Variants in PIAS1 observed in about 807,000 individuals in gnomAD.
PIAS1 encodes protein inhibitor of activated STAT 1.
PIAS1 carries 6 observed loss-of-function variants against 71.3 expected under a neutral mutation model. The ratio of observed to expected loss-of-function variants is 0.08; its 90% CI spans 0.05 to 0.17. The LOEUF is 0.17. Among genes scored for constraint, PIAS1 ranks in the 10% least tolerant of loss-of-function variants. The probability of loss-of-function intolerance (pLI) is 1.00; values close to 1 mark genes in which losing one functional copy is unlikely to be tolerated. For missense variants in PIAS1, 555 were observed against 793.6 expected (o/e 0.70, Z 3.61); for synonymous variants, 303 against 292.9 (o/e 1.03, Z -0.35).
chr15:68,074,599 G>C (rs1365366614), intron 1 of PIAS1, among the ~76,000 whole-genome samples: 1 of 152,172 alleles, frequency 6.6e-6, no homozygotes, highest in Admixed American at 6.5e-5. Context: ...CTTTTTGACT[G>C]ATTATGATAA....
At chr15:68,158,513 C>G (rs1268319322) in intron 7 of PIAS1, among the ~76,000 whole-genome samples, 3 of 152,108 alleles carry the variant, frequency 2.0e-5, no homozygotes, top group African/African-American at 7.2e-5. Context: ...GATGATCTCA[C>G]TGAACATCTT....
intron 4 of PIAS1, among the ~76,000 whole-genome samples, chr15:68,143,502 AC>A (rs2092786705): frequency 6.6e-6 from 1 of 152,146 alleles, no homozygotes; most frequent in African/African-American, 2.4e-5. Context: ...ACAGGACCTT[AC>A]TGCAGTAGAC....
chr15:68,130,257 A>G (rs1165417977), intron 2 of PIAS1, among the ~76,000 whole-genome samples: 1 of 152,026 alleles, frequency 6.6e-6, no homozygotes, highest in Non-Finnish European at 1.5e-5. Context: ...GGCAAAATAT[A>G]TAAGCTTCTT....
chr15:68,118,100 G>A (rs958281739), intron 2 of PIAS1, among the ~76,000 whole-genome samples: 3 of 151,988 alleles, frequency 2.0e-5, no homozygotes, highest in Non-Finnish European at 2.9e-5. Flanking sequence ...GCCGAGGAGC[G>A]GGGCAGATCA....
At position 68,086,788 on chromosome 15, in the gene PIAS1, A is replaced by G. The variant is rs761402229; in HGVS notation, c.469+38A>G. The G allele has an allele frequency of 4.3e-6, 6 of 1,390,868 alleles. No homozygotes were observed. The highest frequency in any genetic ancestry group is 4.0e-6 in the Non-Finnish European group (4 of 999,556). The allele number at this position is 1,390,868 out of a possible 1,614,324, so 86.2% of individuals were successfully genotyped here. ...TATGATAGTATTTGGTTACTTTTGCAGGATGAATTTTCGTTTTAGGCTTTT... is the reference window on the plus strand; with the variant it reads ...TATGATAGTATTTGGTTACTTTTGCGGGATGAATTTTCGTTTTAGGCTTTT... On this transcript the variant is annotated intron_variant, in intron 2 of 13. Transcript: ENST00000249636. The surrounding 1 kb of genome is among the most constrained non-coding windows in gnomAD (Gnocchi z 7.2).
chr15:68,128,765 C>A (rs893026318), intron 2 of PIAS1, among the ~76,000 whole-genome samples: 1 of 151,786 alleles, frequency 6.6e-6, no homozygotes, highest in Non-Finnish European at 1.5e-5. Context: ...AACAAATGGA[C>A]GCAGTATCCA....
intron 2 of PIAS1, among the ~76,000 whole-genome samples, chr15:68,107,762 T>C (rs921801406): frequency 2.0e-5 from 3 of 152,062 alleles, no homozygotes; most frequent in Admixed American, 6.6e-5. Context: ...TAAATACTTA[T>C]GCTTATACTT....
At chr15:68,179,188 A>C (rs2093037517) in intron 11 of PIAS1, among the ~76,000 whole-genome samples, 1 of 152,236 alleles carries the variant, frequency 6.6e-6, no homozygotes, top group African/African-American at 2.4e-5. Context: ...ATTTCAAAAC[A>C]TTATCACAAA....
intron 2 of PIAS1, among the ~76,000 whole-genome samples, chr15:68,117,678 A>G (rs1595738623): frequency 6.6e-6 from 1 of 152,194 alleles, no homozygotes; most frequent in South Asian, 2.1e-4. Flanking sequence ...TTGCCACAAA[A>G]GACAGGATTT....
rs943140602 is a variant in PIAS1 at position 68,185,363 on chromosome 15, G to T, written c.1662+1696G>T. On this transcript the variant is annotated intron_variant, in intron 13 of 13. Transcript: ENST00000249636. This position sits in a 1 kb window ranked among gnomAD's most constrained non-coding sequence, Gnocchi z 4.4. ...ATGACATCTAGAAGACACTGAAGAA[G>T]TTTGTTCATGACTTCAAAGAATCTG... is the stretch of plus-strand genomic sequence containing the variant. 6.6e-6 allele frequency among the ~76,000 whole-genome samples: 1 copy of T among 152,188 alleles called. No individual in the cohort carries two copies. The highest frequency in any genetic ancestry group is 2.4e-5 in the African/African-American group (1 of 41,430).
chr15:68,100,044 C>T lies in PIAS1; in HGVS notation c.469+13294C>T, dbSNP rs540064786. 8.5e-4 allele frequency among the ~76,000 whole-genome samples: 126 copies of T among 148,506 alleles called. 1 individual carries two copies. Among genetic ancestry groups the T allele is most frequent in the African/African-American group, 3.1e-3 (124 of 40,198 alleles). ...GCATATTGTAGATACTAGTTTTAGT[C>T]AGAGATGTAGTTTGCAAATGTTTTC... On this transcript the variant is annotated intron_variant, in intron 2 of 13. Coordinates refer to ENST00000249636, the MANE Select transcript of PIAS1 (RefSeq NM_016166.3).
intron 7 of PIAS1, among the ~76,000 whole-genome samples, chr15:68,162,498 G>A (rs1198148377): frequency 2.0e-5 from 3 of 152,012 alleles, no homozygotes; most frequent in African/African-American, 7.2e-5. Flanking sequence ...AGAGATGAGA[G>A]AGAGTGAGTT....
At chr15:68,057,316 G>C (rs1404996991) in intron 1 of PIAS1, among the ~76,000 whole-genome samples, 5 of 152,116 alleles carry the variant, frequency 3.3e-5, no homozygotes, top group Non-Finnish European at 1.5e-5. Context: ...AGGGTATTTT[G>C]TCATCTTTAG....
At chr15:68,169,222 A>G (rs1044222665) in intron 8 of PIAS1, among the ~76,000 whole-genome samples, 7 of 152,248 alleles carry the variant, frequency 4.6e-5, no homozygotes, top group South Asian at 2.1e-4. Context: ...AAGGTCTGAC[A>G]TAAGATCTAA....
chr15:68,093,878 C>T (rs929332813), intron 2 of PIAS1, among the ~76,000 whole-genome samples: 44 of 152,138 alleles, frequency 2.9e-4, no homozygotes, highest in African/African-American at 1.0e-3. Context: ...GTAAAGATCA[C>T]TGCCTTTTCT....
At chr15:68,099,069 A>G (rs1306977355) in intron 2 of PIAS1, among the ~76,000 whole-genome samples, 1 of 152,082 alleles carries the variant, frequency 6.6e-6, no homozygotes, top group Non-Finnish European at 1.5e-5. Context: ...CCAAATTAAC[A>G]GCGAAAATTT....
chr15:68,100,632 C>T (rs1272555733), intron 2 of PIAS1, among the ~76,000 whole-genome samples: 5 of 152,120 alleles, frequency 3.3e-5, no homozygotes, highest in African/African-American at 1.2e-4. Flanking sequence ...ATACAATTTC[C>T]TGTGCAAAAA....
At chr15:68,068,152 T>G (rs2092049443) in intron 1 of PIAS1, among the ~76,000 whole-genome samples, 1 of 152,134 alleles carries the variant, frequency 6.6e-6, no homozygotes, top group African/African-American at 2.4e-5. Flanking sequence ...GTGTGCAGAT[T>G]GCTTGAGTGC....
intron 2 of PIAS1, among the ~76,000 whole-genome samples, chr15:68,089,786 C>T (rs542616449): frequency 7.2e-5 from 11 of 152,160 alleles, no homozygotes; most frequent in Middle Eastern, 3.4e-3. Context: ...GAGCTCCTGA[C>T]CTCAGTTGAT....
Sources: gnomAD v4.1 joint callset for allele counts (sites outside exome capture counted in the v4.1 genomes callset) on GRCh38, gnomAD v4.1.1 for gene constraint, Gnocchi (gnomAD v3.1) non-coding constraint, MANE v1.5 for transcripts, NCBI Gene and HGNC (gene_info 2026-07-23, HGNC 2026-07-21) for gene names.